Variants in LPIN1 observed in about 807,000 individuals in gnomAD.
LPIN1 encodes phosphatidate phosphatase LPIN1.
A neutral mutation model predicts 107.5 loss-of-function variants in LPIN1; 71 were observed. The ratio of observed to expected loss-of-function variants is 0.66; its 90% CI spans 0.55 to 0.80. LPIN1 has a LOEUF of 0.80. Among genes scored for constraint, LPIN1 ranks in the 30% least tolerant of loss-of-function variants. LPIN1 has a pLI of 0.00. For missense variants in LPIN1, 1,043 were observed against 1,160.6 expected (o/e 0.90, Z 1.47); for synonymous variants, 445 against 452.6 (o/e 0.98, Z 0.21).
At chr2:11,805,354 C>T in intron 17 of LPIN1, 198 bp downstream of exon 17, 1 of 650,858 alleles carries the variant, frequency 1.5e-6, no homozygotes, top group Non-Finnish European at 2.8e-6. Flanking sequence ...AATTTGAATT[C>T]AATACCAAGA....
chr2:11,688,550 A>G (rs1662122587), intron 1 of LPIN1, among the ~76,000 whole-genome samples: 1 of 152,134 alleles, frequency 6.6e-6, no homozygotes, highest in African/African-American at 2.4e-5. Context: ...TCGCAGAAAC[A>G]TCTTGCGGTC....
Position 11,819,603 on chromosome 2 carries a change from G to A in LPIN1, c.2517+5G>A. On this transcript the variant is annotated splice_donor_5th_base_variant and intron_variant, in intron 19 of 20. Transcript: ENST00000674199. ...GCTTTTGGAAACCGACCAGCTGTAA[G>A]TAGTAGATTGGGTATAGAAGAACCC... 6.2e-7 allele frequency: 1 copy of A among 1,600,506 alleles called. No individual in the cohort carries two copies. Among genetic ancestry groups the A allele is most frequent in the South Asian group, 1.1e-5 (1 of 90,794 alleles).
rs1213093255 is a variant in LPIN1, at chr2:11,786,260, G to A, written c.1550-814G>A. Among the ~76,000 whole-genome samples, 1 of 152,170 alleles carries A rather than the reference G, an allele frequency of 6.6e-6. No individual in the cohort carries two copies. Among genetic ancestry groups the A allele is most frequent in the African/African-American group, 2.4e-5 (1 of 41,444 alleles). ...CCAGTCAGGCTGGCATCAAGACCCAGGGACTCTTTTCCTGGACGGAGGAGA... is the reference window on the plus strand; with the variant it reads ...CCAGTCAGGCTGGCATCAAGACCCAAGGACTCTTTTCCTGGACGGAGGAGA... On this transcript the variant is annotated intron_variant, in intron 10 of 20. Transcript: ENST00000674199. The surrounding 1 kb of genome is among the most constrained non-coding windows in gnomAD (Gnocchi z 4.1).
At position 11,765,510 on chromosome 2, in the gene LPIN1, GT is replaced by G. The variant is rs3214670; in HGVS notation, c.-9-14del. The G allele has an allele frequency of 0.55, 867,336 of 1,583,366 alleles. 241,635 individuals are homozygous for G. The highest frequency in any genetic ancestry group is 0.73 in the African/African-American group (54,352 of 74,144). On this transcript the variant is annotated intron_variant, in intron 1 of 20. Transcript: ENST00000674199. This position sits in a 1 kb window ranked among gnomAD's most constrained non-coding sequence, Gnocchi z 4.4. ...TTGGATTAATTGTGTGTCTGTGTGT[GT>G]TTTTTTTTGTCTGTTTTCCAGGTGC...
At chr2:11,792,069 G>A (rs898929819) in intron 13 of LPIN1, 63 bp downstream of exon 13, 4 of 1,347,512 alleles carry the variant, frequency 3.0e-6, no homozygotes, top group African/African-American at 2.9e-5. Context: ...TAGTGAGATT[G>A]GTTTTCATGT....
At chr2:11,720,057 G>A (rs564234614), upstream of LPIN1, among the ~76,000 whole-genome samples, 1 of 152,066 alleles carries the variant, frequency 6.6e-6, no homozygotes, top group Admixed American at 6.5e-5. Context: ...TCTCTTGCTG[G>A]AGACATTATA....
rs543440703 is a variant in LPIN1, at chr2:11,746,681, C to T, written c.-10+10C>T. On this transcript the variant is annotated intron_variant, in intron 1 of 20. Transcript: ENST00000674199. ...CGCGCGGCGCCGCTCGGTGAGTAGC[C>T]GCCGCCTCCAGCCTCCCGCTGTGGA... is the stretch of plus-strand genomic sequence containing the variant. The T allele has an allele frequency of 8.0e-5, 79 of 983,880 alleles. No homozygotes were observed. In the South Asian group the frequency reaches 3.2e-3, roughly 40 times the overall value. The allele number at this position is 983,880 out of a possible 1,614,324, so 60.9% of individuals were successfully genotyped here. A position where few individuals can be genotyped will look rare whatever the true frequency, so the allele number is the denominator to read the frequency against.
intron 1 of LPIN1, among the ~76,000 whole-genome samples, chr2:11,738,265 T>A (rs1665988927): frequency 6.6e-6 from 1 of 151,846 alleles, no homozygotes; most frequent in Admixed American, 6.6e-5. Context: ...GGGATAGCAT[T>A]AGGAGAAACA....
In LPIN1 at chr2:11,820,453, A is replaced by G; in HGVS notation, c.2560A>G (p.Ile854Val). Residue 854 changes from isoleucine (I) to valine (V), a missense_variant, in exon 20 of 21, where the codon ATA becomes GTA. Ile to Val is a conservative substitution (Grantham distance 29). Coordinates refer to ENST00000674199, the MANE Select transcript of LPIN1 (RefSeq NM_001349206.2). ...GCAAGTAGGAGTGTCTTTGAATAGA[A>G]TATTTACCGTCAACCCTAAAGGAGA... ...YKQVGVSLNRIFTVNPKGELV... is the reference protein window; with the variant it reads ...YKQVGVSLNRVFTVNPKGELV... 6.2e-6 allele frequency: 10 copies of G among 1,613,754 alleles called. No homozygotes were observed. Among genetic ancestry groups the G allele is most frequent in the Non-Finnish European group, 8.5e-6 (10 of 1,179,642 alleles).
intron 1 of LPIN1, among the ~76,000 whole-genome samples, chr2:11,696,533 G>A (rs773896124): frequency 5.9e-5 from 9 of 152,206 alleles, no homozygotes; most frequent in Non-Finnish European, 1.2e-4. Context: ...GCACCAAGAC[G>A]GTGCTAGAGC....
chr2:11,759,675 C>T (rs1669336652), intron 1 of LPIN1, among the ~76,000 whole-genome samples: 2 of 152,246 alleles, frequency 1.3e-5, no homozygotes, highest in Admixed American at 6.5e-5. Flanking sequence ...CATCATGGCC[C>T]GTTCTCAATG....
intron 1 of LPIN1, among the ~76,000 whole-genome samples, chr2:11,750,112 C>T (rs1414181311): frequency 6.6e-6 from 1 of 152,138 alleles, no homozygotes; most frequent in African/African-American, 2.4e-5. Context: ...TCCCTGGAAG[C>T]CCTCGCACCT....
chr2:11,776,853 C>G (rs537766141), intron 6 of LPIN1, among the ~76,000 whole-genome samples: 36 of 152,318 alleles, frequency 2.4e-4, no homozygotes, highest in African/African-American at 8.2e-4. Context: ...TAAGCCTTAG[C>G]AAATGAAGCT....
At chr2:11,681,339 G>T (rs1661701494) in intron 1 of LPIN1, 1 of 152,276 alleles carries the variant, frequency 6.6e-6, no homozygotes, top group Admixed American at 6.5e-5. Flanking sequence ...TTGGTGGGAG[G>T]TGATTGGATC....
intron 14 of LPIN1, among the ~76,000 whole-genome samples, chr2:11,800,698 G>A (rs946820356): frequency 2.6e-5 from 4 of 152,156 alleles, no homozygotes; most frequent in East Asian, 3.9e-4. Context: ...AGGCAGGGGC[G>A]GGGGAAACAG....
At chr2:11,758,386 T>G (rs1669001133) in intron 1 of LPIN1, among the ~76,000 whole-genome samples, 2 of 152,216 alleles carry the variant, frequency 1.3e-5, no homozygotes, top group Non-Finnish European at 2.9e-5. Flanking sequence ...CCGCCAACAG[T>G]GGACAAGAGT....
chr2:11,786,133 C>T lies in LPIN1; in HGVS notation c.1550-941C>T, dbSNP rs1281040282. ...TGTTATCTCATGGGGCCAGGATCTG[C>T]AGCTGTCCAGTCCTTACAGGTGAGG... On this transcript the variant is annotated intron_variant, in intron 10 of 20. Coordinates refer to ENST00000674199, the MANE Select transcript of LPIN1 (RefSeq NM_001349206.2). This position sits in a 1 kb window ranked among gnomAD's most constrained non-coding sequence, Gnocchi z 4.1. 6.6e-6 allele frequency among the ~76,000 whole-genome samples: 1 copy of T among 152,116 alleles called. No individual in the cohort carries two copies. The highest frequency in any genetic ancestry group is 1.5e-5 in the Non-Finnish European group (1 of 68,020).
chr2:11,771,242 G>T lies in LPIN1; in HGVS notation c.289-130G>T. The stretch of plus-strand genomic sequence containing the variant: ...GTCACCATGGCTGTGGCCTCTAGCT[G>T]GGCCATCTGCTGTGGCCCTCCCCAG... On this transcript the variant is annotated intron_variant, in intron 3 of 20. Transcript: ENST00000674199. This position sits in a 1 kb window ranked among gnomAD's most constrained non-coding sequence, Gnocchi z 4.8. 1.2e-6 allele frequency: 1 copy of T among 826,406 alleles called. No homozygotes were observed. Among genetic ancestry groups the T allele is most frequent in the African/African-American group, 1.7e-5 (1 of 59,270 alleles). The allele number at this position is 826,406 out of a possible 1,614,324, so 51.2% of individuals were successfully genotyped here.
chr2:11,678,113 G>A lies in LPIN1; in HGVS notation c.81+385G>A, dbSNP rs141899794. ...CCAGTTTGTGTGCAGGCCAGGAAGCGAGGTGTGGAGAGTTGAAGGGACCCC... is the reference window on the plus strand; with the variant it reads ...CCAGTTTGTGTGCAGGCCAGGAAGCAAGGTGTGGAGAGTTGAAGGGACCCC... On this transcript the variant is annotated intron_variant, in intron 1 of 21. Coordinates refer to the LPIN1 transcript ENST00000449576. 9.2e-5 allele frequency among the ~76,000 whole-genome samples: 14 copies of A among 152,300 alleles called. No homozygotes were observed. In the East Asian group the frequency reaches 2.1e-3, roughly 23 times the overall value.
Sources: allele counts gnomAD v4.1 joint callset (sites outside exome capture counted in the v4.1 genomes callset), GRCh38; gene constraint gnomAD v4.1.1; non-coding constraint Gnocchi (gnomAD v3.1); transcripts MANE v1.5; gene names NCBI Gene and HGNC (gene_info 2026-07-23, HGNC 2026-07-21).